The following KAZN variants were observed in gnomAD, a reference collection of about 807,000 sequenced individuals.
KAZN encodes the protein kazrin.
In KAZN, 40 loss-of-function variants were observed where a neutral mutation model predicts 87.4. The observed-to-expected ratio is 0.46, with a 90% CI of 0.36 to 0.60. KAZN has a LOEUF of 0.60. Among genes scored for constraint, KAZN ranks in the 20% least tolerant of loss-of-function variants. KAZN has a pLI of 0.00. For synonymous variants in KAZN, 466 were observed against 458.3 expected (o/e 1.02, Z -0.22); for missense variants, 898 against 1,073.9 (o/e 0.84, Z 2.29).
At chr1:14,883,823 G>A (rs1387103593) in intron 1 of KAZN, among the ~76,000 whole-genome samples, 1 of 152,088 alleles carries the variant, frequency 6.6e-6, no homozygotes, top group Non-Finnish European at 1.5e-5. Flanking sequence ...ACCTACTTGG[G>A]AATCTCTTGT....
upstream of KAZN, among the ~76,000 whole-genome samples, chr1:14,595,756 C>T (rs1676466440): frequency 6.6e-6 from 1 of 151,398 alleles, no homozygotes; most frequent in South Asian, 2.1e-4. Flanking sequence ...ATCAAGTATA[C>T]CCGCAGAGGC....
At chr1:14,484,073 A>AGAT (rs1324578715) in intron 2 of KAZN, among the ~76,000 whole-genome samples, 1 of 152,186 alleles carries the variant, frequency 6.6e-6, no homozygotes, top group Non-Finnish European at 1.5e-5. Context: ...GATTGACCAT[A>AGAT]GATGCATGGA....
chr1:14,924,058 C>CG, intron 1 of KAZN: 1 of 759,756 alleles, frequency 1.3e-6, no homozygotes, highest in Non-Finnish European at 1.4e-6. Context: ...GGGGCGGGGG[C>CG]GGGGCGGGGG....
chr1:14,751,362 T>G lies in KAZN; in HGVS notation c.226+152139T>G, dbSNP rs200620789. Reference sequence around the variant, plus strand: ...CGTTGTTAGAGGCAAGACAGTTACCTTCCTTGTCATTGAATTCTACCCTTC... The same window carrying G: ...CGTTGTTAGAGGCAAGACAGTTACCGTCCTTGTCATTGAATTCTACCCTTC... On this transcript the variant is annotated intron_variant, in intron 1 of 14. Coordinates refer to ENST00000376030, the MANE Select transcript of KAZN (RefSeq NM_201628.3). 2.0e-5 allele frequency among the ~76,000 whole-genome samples: 3 copies of G among 152,228 alleles called. No homozygotes were observed. The East Asian group carries it at 5.8e-4, about 29-fold the overall frequency.
At chr1:14,103,667 C>A (rs1466381697) in intron 1 of KAZN, among the ~76,000 whole-genome samples, 1 of 152,196 alleles carries the variant, frequency 6.6e-6, no homozygotes, top group African/African-American at 2.4e-5. Flanking sequence ...ACATCTTCCC[C>A]TGATTCTCCT....
chr1:14,741,987 G>T (rs1165399120), intron 1 of KAZN, among the ~76,000 whole-genome samples: 1 of 151,832 alleles, frequency 6.6e-6, no homozygotes, highest in East Asian at 1.9e-4. Context: ...TTTTCCTTGT[G>T]GGAAGCCACA....
At chr1:14,801,937 G>A (rs1398864909) in intron 1 of KAZN, among the ~76,000 whole-genome samples, 1 of 151,982 alleles carries the variant, frequency 6.6e-6, no homozygotes, top group Admixed American at 6.5e-5. Flanking sequence ...GCCCGCCTTG[G>A]CCTTCCAAAG....
chr1:14,350,973 G>C (rs956265224), intron 2 of KAZN: 1 of 152,376 alleles, frequency 6.6e-6, no homozygotes, highest in African/African-American at 2.4e-5. Flanking sequence ...TGTGTGGTCA[G>C]TTGGCAGGGC....
intron 1 of KAZN, among the ~76,000 whole-genome samples, chr1:13,969,409 G>A (rs1642059998): frequency 6.6e-6 from 1 of 152,190 alleles, no homozygotes; most frequent in Admixed American, 6.5e-5. Flanking sequence ...AAAACCAAAT[G>A]AAGATGGAGG....
upstream of KAZN, among the ~76,000 whole-genome samples, chr1:14,594,854 C>A (rs541210754): frequency 1.3e-5 from 2 of 152,132 alleles, no homozygotes; most frequent in African/African-American, 2.4e-5. Context: ...ACACAGATTC[C>A]GCTGACCAAC....
intron 1 of KAZN, among the ~76,000 whole-genome samples, chr1:13,938,429 C>A (rs943520025): frequency 1.3e-5 from 2 of 152,060 alleles, no homozygotes; most frequent in East Asian, 1.9e-4. Flanking sequence ...TTTGGAGGAG[C>A]CTTTAGGGTT....
chr1:14,608,957 C>T (rs2148616712), intron 1 of KAZN, among the ~76,000 whole-genome samples: 1 of 152,182 alleles, frequency 6.6e-6, no homozygotes, highest in Non-Finnish European at 1.5e-5. Flanking sequence ...CCCACTCCTG[C>T]CATTTGAAAT....
At chr1:14,487,925 G>T (rs895036694) in intron 2 of KAZN, among the ~76,000 whole-genome samples, 2 of 152,296 alleles carry the variant, frequency 1.3e-5, no homozygotes, top group Non-Finnish European at 2.9e-5. Flanking sequence ...GATTCAGTTG[G>T]GATGTGCTGA....
At chr1:15,013,311 C>A (rs1045220921) in intron 2 of KAZN, among the ~76,000 whole-genome samples, 1 of 152,020 alleles carries the variant, frequency 6.6e-6, no homozygotes, top group African/African-American at 2.4e-5. Flanking sequence ...ACCCCCGTTT[C>A]GTTTATATTC....
At chr1:14,416,506 G>A (rs1664772460) in intron 2 of KAZN, among the ~76,000 whole-genome samples, 1 of 152,152 alleles carries the variant, frequency 6.6e-6, no homozygotes, top group Non-Finnish European at 1.5e-5. Flanking sequence ...ATAGGCCAAG[G>A]CAGGCAGATC....
At position 14,563,874 on chromosome 1, in the gene KAZN, CT is replaced by C. The variant is rs540880203; in HGVS notation, c.250-35095del. On this transcript the variant is annotated intron_variant, in intron 2 of 16. Coordinates refer to the KAZN transcript ENST00000636203. ...TGCACTCAGAGTATGGTTCAAACTC[CT>C]TTTTTTTTTTTTTGTCTGAGACAGA... 6.8e-4 allele frequency among the ~76,000 whole-genome samples: 67 copies of C among 97,912 alleles called. 1 individual carries two copies. The highest frequency in any genetic ancestry group is 9.3e-4 in the African/African-American group (28 of 30,030). 64.2% of individuals were successfully genotyped at this position (97,912 alleles called of 152,430 possible). A position where few individuals can be genotyped will look rare whatever the true frequency, so the allele number is the denominator to read the frequency against.
At position 14,885,006 on chromosome 1, in the gene KAZN, A is replaced by C. The variant is rs560544779; in HGVS notation, c.227-75678A>C. 2.0e-5 allele frequency among the ~76,000 whole-genome samples: 3 copies of C among 152,362 alleles called. No individual in the cohort carries two copies. The East Asian group carries it at 5.8e-4, about 29-fold the overall frequency. On this transcript the variant is annotated intron_variant, in intron 1 of 14. Coordinates refer to ENST00000376030, the MANE Select transcript of KAZN (RefSeq NM_201628.3). Reference sequence around the variant, plus strand: ...AATGCTGTGCTCACCGAGGGAGTCCACCAGGGAAAGGAGGACACTATTGTT... The same window carrying C: ...AATGCTGTGCTCACCGAGGGAGTCCCCCAGGGAAAGGAGGACACTATTGTT...
chr1:14,573,577 G>A (rs1675000867), intron 2 of KAZN, among the ~76,000 whole-genome samples: 1 of 152,100 alleles, frequency 6.6e-6, no homozygotes, highest in African/African-American at 2.4e-5. Flanking sequence ...AACCCAGGAG[G>A]CAGAGGTTGC....
chr1:14,763,807 T>A (rs1252786987), intron 1 of KAZN, among the ~76,000 whole-genome samples: 1 of 152,216 alleles, frequency 6.6e-6, no homozygotes, highest in Non-Finnish European at 1.5e-5. Context: ...TGCAGTGCAA[T>A]GGCACGATCT....
Sources: gnomAD v4.1 joint callset for allele counts (sites outside exome capture counted in the v4.1 genomes callset) on GRCh38, gnomAD v4.1.1 for gene constraint, MANE v1.5 for transcripts, NCBI Gene and HGNC (gene_info 2026-07-23, HGNC 2026-07-21) for gene names.